Variants in UTRN observed in about 807,000 individuals in gnomAD.
UTRN encodes dystrophin-related protein 1.
In UTRN, 283 loss-of-function variants were observed where a neutral mutation model predicts 463.9. The observed-to-expected ratio is 0.61, with a 90% CI of 0.55 to 0.67. The LOEUF is 0.67. Ranked by LOEUF, UTRN falls within the 30% of genes least tolerant of loss-of-function variation. The probability of loss-of-function intolerance (pLI) is 0.00; values close to 1 mark genes in which losing one functional copy is unlikely to be tolerated. For missense variants in UTRN, 3,922 were observed against 4,084.3 expected (o/e 0.96, Z 1.08); for synonymous variants, 1,442 against 1,431.5 (o/e 1.01, Z -0.17).
chr6:144,447,887 T>C, intron 16 of UTRN, 106 bp downstream of exon 16: 1 of 1,126,228 alleles, frequency 8.9e-7, no homozygotes, highest in Non-Finnish European at 1.2e-6. Context: ...AGTTGTTTCC[T>C]TACACCTGAT....
In UTRN at chr6:144,827,545, A is replaced by G. The variant is rs113720184; in HGVS notation, c.9534-66A>G. 70 of 1,605,236 alleles carry G rather than the reference A, an allele frequency of 4.4e-5. 1 individual carries two copies. Among genetic ancestry groups the G allele is most frequent in the African/African-American group, 3.6e-4 (27 of 74,658 alleles). On this transcript the variant is annotated intron_variant, in intron 67 of 74. Coordinates refer to ENST00000367545, the MANE Select transcript of UTRN (RefSeq NM_007124.3). ...AGATTCATTACTTAAGTAACCTAAC[A>G]TTTCTAATAGTAACACCTATCAATA...
chr6:144,507,678 C>T (rs911485713), intron 34 of UTRN, among the ~76,000 whole-genome samples: 2 of 152,150 alleles, frequency 1.3e-5, no homozygotes, highest in Non-Finnish European at 2.9e-5. Context: ...AGCTGGAGCT[C>T]TCCTATATTA....
At chr6:144,461,453 T>C (rs887667717) in intron 22 of UTRN, 111 bp downstream of exon 22, 1 of 1,197,102 alleles carries the variant, frequency 8.4e-7, no homozygotes, top group East Asian at 2.7e-5. Flanking sequence ...GTTTTGTTCA[T>C]CATTGGTGCA....
chr6:144,440,699 A>T (rs1787065681), intron 13 of UTRN, among the ~76,000 whole-genome samples: 1 of 152,206 alleles, frequency 6.6e-6, no homozygotes, highest in Non-Finnish European at 1.5e-5. Context: ...GGCTGGTTGC[A>T]GTCCCCAGCT....
At chr6:144,636,296 A>C (rs2128658394) in intron 51 of UTRN, among the ~76,000 whole-genome samples, 1 of 152,244 alleles carries the variant, frequency 6.6e-6, no homozygotes, top group East Asian at 1.9e-4. Context: ...CAGGAACAGA[A>C]AACCAAACCC....
chr6:144,366,568 A>G lies in UTRN; in HGVS notation c.80-36555A>G, dbSNP rs1055360105. ...CTTCAGTTTCATCCATGTTTCTGCAAATAACATGATCTCATTCTATTTTAT... is the reference window on the plus strand; with the variant it reads ...CTTCAGTTTCATCCATGTTTCTGCAGATAACATGATCTCATTCTATTTTAT... On this transcript the variant is annotated intron_variant, in intron 2 of 74. Coordinates refer to ENST00000367545, the MANE Select transcript of UTRN (RefSeq NM_007124.3). Among the ~76,000 whole-genome samples the G allele has an allele frequency of 9.2e-5, 14 of 152,348 alleles. No individual in the cohort carries two copies. In the South Asian group the frequency reaches 2.1e-3, roughly 23 times the overall value.
intron 51 of UTRN, among the ~76,000 whole-genome samples, chr6:144,631,916 G>C (rs1163797098): frequency 6.6e-6 from 1 of 152,140 alleles, no homozygotes. Context: ...AAGAAATTCT[G>C]ACCTTTTCTG....
At chr6:144,493,869 GGTGA>G (rs1169281724) in intron 33 of UTRN, among the ~76,000 whole-genome samples, 2 of 152,108 alleles carry the variant, frequency 1.3e-5, no homozygotes, top group East Asian at 1.9e-4. Flanking sequence ...TAGCCATGGT[GGTGA>G]GTATCTGTAG....
At chr6:144,420,557 T>A (rs1430256492) in intron 3 of UTRN, among the ~76,000 whole-genome samples, 1 of 152,234 alleles carries the variant, frequency 6.6e-6, no homozygotes, top group East Asian at 1.9e-4. Context: ...AGAGCAGGAT[T>A]ATCTGTGGGA....
intron 51 of UTRN, among the ~76,000 whole-genome samples, chr6:144,584,912 A>G (rs1460119475): frequency 6.6e-6 from 1 of 152,062 alleles, no homozygotes; most frequent in Non-Finnish European, 1.5e-5. Context: ...GGCAATTTTG[A>G]TAATAGATAA....
intron 54 of UTRN, among the ~76,000 whole-genome samples, chr6:144,733,870 T>G (rs559529467): frequency 6.6e-6 from 1 of 152,262 alleles, no homozygotes; most frequent in Non-Finnish European, 1.5e-5. Flanking sequence ...CAGCTATTGT[T>G]TGTATTGATT....
chr6:144,828,331 GA>G (rs1463819842), intron 68 of UTRN, among the ~76,000 whole-genome samples: 2 of 152,114 alleles, frequency 1.3e-5, no homozygotes, highest in Non-Finnish European at 2.9e-5. Flanking sequence ...GTAGGGGAAA[GA>G]GAAATAGATG....
At chr6:144,802,109 A>T in intron 64 of UTRN, among the ~76,000 whole-genome samples, 1 of 152,356 alleles carries the variant, frequency 6.6e-6, no homozygotes, top group East Asian at 1.9e-4. Flanking sequence ...CCAAGGGAGT[A>T]TTCAGCAGAA....
intron 21 of UTRN, among the ~76,000 whole-genome samples, chr6:144,460,035 A>C (rs1266203280): frequency 6.8e-6 from 1 of 146,530 alleles, no homozygotes; most frequent in Non-Finnish European, 1.5e-5. Flanking sequence ...AAACAGGTGC[A>C]ATTTCTTCCT....
At chr6:144,343,571 G>C (rs1255081757) in intron 2 of UTRN, among the ~76,000 whole-genome samples, 1 of 152,050 alleles carries the variant, frequency 6.6e-6, no homozygotes, top group African/African-American at 2.4e-5. Flanking sequence ...ATAATAAAGA[G>C]AGCAAGGTGA....
intron 52 of UTRN, among the ~76,000 whole-genome samples, chr6:144,690,093 T>TGTGTGTGTGTG (rs1339432168): frequency 2.1e-4 from 7 of 33,728 alleles, no homozygotes; most frequent in Admixed American, 8.8e-4. Context: ...TTTTTTTTTT[T>TGTGTGTGTGTG]TTTGTGTGTG....
chr6:144,490,669 AT>A (rs535400776), intron 31 of UTRN, among the ~76,000 whole-genome samples: 119 of 152,282 alleles, frequency 7.8e-4, no homozygotes, highest in Non-Finnish European at 1.4e-3. Flanking sequence ...GGTCAGCTTT[AT>A]CTAAATTTCT....
intron 69 of UTRN, among the ~76,000 whole-genome samples, chr6:144,830,659 C>T (rs1012796997): frequency 1.3e-5 from 2 of 152,102 alleles, no homozygotes; most frequent in Non-Finnish European, 2.9e-5. Flanking sequence ...TGCAGCCCAA[C>T]ACAAATTCAT....
At chr6:144,850,171 A>G (rs981370433) in intron 74 of UTRN, among the ~76,000 whole-genome samples, 4 of 152,232 alleles carry the variant, frequency 2.6e-5, no homozygotes, top group African/African-American at 9.6e-5. Context: ...AATGGGCTCT[A>G]GGCCAGAGTC....
Sources: gnomAD v4.1 joint callset for allele counts (sites outside exome capture counted in the v4.1 genomes callset) on GRCh38, gnomAD v4.1.1 for gene constraint, MANE v1.5 for transcripts, NCBI Gene and HGNC (gene_info 2026-07-23, HGNC 2026-07-21) for gene names.